SETX: variants seen among roughly 807,000 people sequenced by gnomAD.
SETX encodes senataxin, also known as helicase senataxin.
In SETX, 90 loss-of-function variants were observed where a neutral mutation model predicts 227.2. The observed-to-expected ratio is 0.40, with a 90% confidence interval of 0.33 to 0.47. The LOEUF is 0.47. SETX is among the 20% of genes least tolerant of loss of function. The pLI is 0.91. For missense variants in SETX, 3,052 were observed against 3,181.5 expected, an observed-to-expected ratio of 0.96 and a Z score of 0.98; for synonymous variants, 1,210 against 1,113.2, an observed-to-expected ratio of 1.09 and a Z score of -1.73.
chr9:132,311,305 G>A (rs1589700966), intron 11 of SETX, among the ~76,000 whole-genome samples: 1 of 152,124 alleles, frequency 6.6e-6, no homozygotes, highest in Non-Finnish European at 1.5e-5. Flanking sequence ...GAGGATGGAT[G>A]GGGGTTGGGG....
chr9:132,325,956 T>C (rs1320551731), intron 10 of SETX, among the ~76,000 whole-genome samples: 1 of 151,334 alleles, frequency 6.6e-6, no homozygotes, highest in Non-Finnish European at 1.5e-5. Context: ...AAAAAAAGTG[T>C]TTCCTCTGTA....
At chr9:132,281,687 C>A in intron 19 of SETX, 113 bp from the exon 20 acceptor site, 1 of 768,940 alleles carries the variant, frequency 1.3e-6, no homozygotes, top group Non-Finnish European at 2.2e-6. Flanking sequence ...TCTCCTGCAC[C>A]AAATATCAAA....
chr9:132,327,580 T>C lies in SETX; in HGVS notation c.4018A>G (p.Lys1340Glu), dbSNP rs761402459. Residue 1340 changes from lysine (K) to glutamate (E), a missense_variant, in exon 10 of 26, where the codon AAG becomes GAG. By Grantham distance (56) the Lys-to-Glu change is moderately conservative (BLOSUM62 1). Around this residue, in one of 10 missense-constraint regions of SETX, gnomAD observed 1,483 missense variants for 1,312.0 expected, o/e 1.13. Coordinates refer to ENST00000224140, the MANE Select transcript of SETX (RefSeq NM_015046.7). ...AGTTCTTGACTAGTCAGAAGTTTCTTATTATTTCTGACAGACAGGTTCTGA... is the reference window on the plus strand; with the variant it reads ...AGTTCTTGACTAGTCAGAAGTTTCTCATTATTTCTGACAGACAGGTTCTGA... ...SPQNLSVRNNKKLLTSQELQM... is the reference protein window; with the variant it reads ...SPQNLSVRNNEKLLTSQELQM... 2.5e-6 allele frequency: 4 copies of C among 1,614,182 alleles called. No individual in the cohort carries two copies. Among genetic ancestry groups the C allele is most frequent in the Non-Finnish European group, 3.4e-6 (4 of 1,180,040 alleles).
intron 21 of SETX, 65 bp from the exon 22 acceptor site, chr9:132,277,217 TTAC>T: frequency 6.9e-7 from 1 of 1,449,016 alleles, no homozygotes; most frequent in South Asian, 1.2e-5. Flanking sequence ...TATCTTGGTA[TTAC>T]TACAATTTTT....
At chr9:132,286,897 A>C (rs373361389) in intron 17 of SETX, among the ~76,000 whole-genome samples, 79 of 152,334 alleles carry the variant, frequency 5.2e-4, no homozygotes, top group African/African-American at 1.9e-3. Flanking sequence ...GACTAAACTA[A>C]CTGCTTCTTT....
chr9:132,302,873 C>T (rs956980489), intron 11 of SETX, among the ~76,000 whole-genome samples: 12 of 151,918 alleles, frequency 7.9e-5, no homozygotes, highest in African/African-American at 2.9e-4. Context: ...ATAAAGAAAA[C>T]GGTGTTTAAA....
At position 132,327,505 on chromosome 9, in the gene SETX, G is replaced by A. The variant is rs769307977; in HGVS notation, c.4093C>T (p.Leu1365Phe). ...RPKSQKNRRR[L>F]SDCESTDVKR... is the part of the protein sequence containing the mutation. Reference sequence around the variant, plus strand: ...ACATCTGTACTTTCACAATCAGAAAGTCTTCGTCTATTTTTTTGTGATTTG... The same window carrying A: ...ACATCTGTACTTTCACAATCAGAAAATCTTCGTCTATTTTTTTGTGATTTG... The change falls in exon 10 of 26, where the codon CTT (leucine) becomes TTT (phenylalanine). Residue 1365 changes from leucine (L) to phenylalanine (F), a missense_variant. Leu to Phe is a conservative substitution (Grantham distance 22, BLOSUM62 0). Around this residue, in one of 10 missense-constraint regions of SETX, gnomAD observed 1,483 missense variants for 1,312.0 expected, o/e 1.13. Coordinates refer to ENST00000224140, the MANE Select transcript of SETX (RefSeq NM_015046.7). 6 of 1,614,086 alleles carry A rather than the reference G, an allele frequency of 3.7e-6. No individual in the cohort carries two copies. Among genetic ancestry groups the A allele is most frequent in the Admixed American group, 1.7e-5 (1 of 60,020 alleles).
chr9:132,341,637 G>A (rs1847971558), intron 5 of SETX, among the ~76,000 whole-genome samples: 1 of 152,210 alleles, frequency 6.6e-6, no homozygotes, highest in South Asian at 2.1e-4. Context: ...GACCAGACCT[G>A]CTTCCTCCAT....
intron 17 of SETX, among the ~76,000 whole-genome samples, chr9:132,286,948 G>A (rs1843938540): frequency 6.6e-6 from 1 of 152,154 alleles, no homozygotes; most frequent in African/African-American, 2.4e-5. Context: ...TCTCCCTCTG[G>A]GGTTTCAAAG....
chr9:132,335,190 A>C (rs1001940490), intron 6 of SETX, among the ~76,000 whole-genome samples: 1 of 151,848 alleles, frequency 6.6e-6, no homozygotes, highest in Non-Finnish European at 1.5e-5. Context: ...GGAGATCGAG[A>C]CCATCCTGGC....
Position 132,336,415 on chromosome 9 carries a change from A to G in SETX, c.599T>C (p.Ile200Thr), listed in dbSNP as rs1432418762. The change falls in exon 6 of 26, where the codon ATT becomes ACT. Residue 200 changes from isoleucine (I) to threonine (T), a missense_variant. Physicochemically the swap from Ile to Thr is moderately conservative, Grantham distance 89. Around this residue, in one of 10 missense-constraint regions of SETX, gnomAD observed 239 missense variants for 240.8 expected, o/e 0.99. Coordinates refer to ENST00000224140, the MANE Select transcript of SETX (RefSeq NM_015046.7). ...QEVLLCLFKV[I>T]ELGLLESPDI... ...TGGACTCTCTAAAAGCCCCAACTCA[A>G]TGACTTTAAAAAGGCAAAGTAAAAC... 1.2e-6 allele frequency: 2 copies of G among 1,613,920 alleles called. No individual in the cohort carries two copies. Among genetic ancestry groups the G allele is most frequent in the African/African-American group, 1.3e-5 (1 of 74,928 alleles).
rs149558692 is a variant in SETX, at chr9:132,328,009, C to A, written c.3589G>T (p.Asp1197Tyr). 4.3e-6 allele frequency: 7 copies of A among 1,613,798 alleles called. No individual in the cohort carries two copies. The highest frequency in any genetic ancestry group is 3.3e-5 in the Admixed American group (2 of 59,962). The stretch of plus-strand genomic sequence containing the variant: ...GTCCTTCTATCAATACTTTTAAAAT[C>A]ATTTCCCACAAGATCTCTCTTATTA... ...DTNKRDLVGNDFKSIDRRTST... is the reference protein window; with the variant it reads ...DTNKRDLVGNYFKSIDRRTST... The change falls in exon 10 of 26, where the codon GAT becomes TAT. Residue 1197 changes from aspartate to tyrosine, a missense_variant. Coordinates refer to ENST00000224140, the MANE Select transcript of SETX (RefSeq NM_015046.7).
At chr9:132,284,764 T>A (rs1843740321) in intron 18 of SETX, among the ~76,000 whole-genome samples, 2 of 152,076 alleles carry the variant, frequency 1.3e-5, no homozygotes, top group South Asian at 4.2e-4. Context: ...CCACCATCAC[T>A]CTACTTCTAT....
In SETX at chr9:132,268,684, T is replaced by C. The variant is rs576352513; in HGVS notation, c.7287+931A>G. Among the ~76,000 whole-genome samples, 137 of 152,280 alleles carry C rather than the reference T, an allele frequency of 9.0e-4. No homozygotes were observed. In the Middle Eastern group the frequency reaches 0.027, roughly 30 times the overall value. ...CTATTCCACTGGATATATTTAAGAGTGATGTAATAATTTTAATTGCTGTAT... is the reference window on the plus strand; with the variant it reads ...CTATTCCACTGGATATATTTAAGAGCGATGTAATAATTTTAATTGCTGTAT... On this transcript the variant is annotated intron_variant, in intron 25 of 25. Coordinates refer to ENST00000224140, the MANE Select transcript of SETX (RefSeq NM_015046.7).
At position 132,278,267 on chromosome 9, in the gene SETX, G is replaced by A; in HGVS notation, c.6655-10C>T. 6.2e-7 allele frequency: 1 copy of A among 1,613,480 alleles called. No homozygotes were observed. The highest frequency in any genetic ancestry group is 8.5e-7 in the Non-Finnish European group (1 of 1,179,544). On this transcript the variant is annotated splice_polypyrimidine_tract_variant and intron_variant, in intron 20 of 25. Transcript: ENST00000224140. ...CATACTCCTGTGCTTTCTGTGAGGG[G>A]CAAAATAAAGCAACAGTTTCCAAGA...
Position 132,339,502 on chromosome 9 carries a change from C to T in SETX, c.499-2987G>A, listed in dbSNP as rs1847836895. 2.6e-5 allele frequency among the ~76,000 whole-genome samples: 4 copies of T among 152,156 alleles called. 1 individual carries two copies. Among genetic ancestry groups the T allele is most frequent in the Admixed American group, 2.6e-4 (4 of 15,272 alleles). On this transcript the variant is annotated intron_variant, in intron 5 of 25. Coordinates refer to ENST00000224140, the MANE Select transcript of SETX (RefSeq NM_015046.7). Reference sequence around the variant, plus strand: ...CACCTTACAATCTAAATGCTGTACACCTCTATTTCCTGCAAAGAGTTTGAA... The same window carrying T: ...CACCTTACAATCTAAATGCTGTACATCTCTATTTCCTGCAAAGAGTTTGAA...
At position 132,331,257 on chromosome 9, in the gene SETX, C is replaced by T. The variant is rs375387696; in HGVS notation, c.1010+20G>A. 9.9e-6 allele frequency: 16 copies of T among 1,613,784 alleles called. No homozygotes were observed. The highest frequency in any genetic ancestry group is 1.4e-5 in the Non-Finnish European group (16 of 1,179,806). ...TTCTTATAGAGATGATGTTTAAATC[C>T]TGACATTAGCTGAACTAACCTTACA... is the stretch of plus-strand genomic sequence containing the variant. On this transcript the variant is annotated intron_variant, in intron 8 of 25. Coordinates refer to ENST00000224140, the MANE Select transcript of SETX (RefSeq NM_015046.7).
chr9:132,266,708 G>A (rs568636431), intron 25 of SETX, among the ~76,000 whole-genome samples: 14 of 152,236 alleles, frequency 9.2e-5, no homozygotes, highest in African/African-American at 2.9e-4. Flanking sequence ...GGAGGCGGAC[G>A]TTGCAGTGAG....
At chr9:132,341,373 C>T (rs928732291) in intron 5 of SETX, among the ~76,000 whole-genome samples, 5 of 152,314 alleles carry the variant, frequency 3.3e-5, no homozygotes, top group African/African-American at 1.2e-4. Flanking sequence ...TCTGTCAGAG[C>T]ATGCGCTTTC....
Sources: gnomAD v4.1 joint callset for allele counts (sites outside exome capture counted in the v4.1 genomes callset) on GRCh38, gnomAD v4.1.1 for gene constraint, gnomAD v4.1.1 regional missense constraint, MANE v1.5 for transcripts, NCBI Gene and HGNC (gene_info 2026-07-23, HGNC 2026-07-21) for gene names.